Variants in PTPRM observed in about 807,000 individuals in gnomAD.
The protein encoded by PTPRM is protein tyrosine phosphatase receptor type M.
PTPRM carries 47 observed loss-of-function variants against 186.7 expected under a neutral mutation model. The ratio of observed to expected loss-of-function variants is 0.25; its 90% confidence interval spans 0.20 to 0.32. The LOEUF is 0.32. PTPRM is among the 10% of genes least tolerant of loss of function. PTPRM has a pLI of 1.00. For missense variants in PTPRM, 1,494 were observed against 1,865.0 expected, an observed-to-expected ratio of 0.80 and a Z score of 3.66; for synonymous variants, 668 against 674.9, an observed-to-expected ratio of 0.99 and a Z score of 0.16.
rs377050800 is a variant in PTPRM at position 8,069,710 on chromosome 18, T to C, written c.1157T>C (p.Leu386Pro). The C allele has an allele frequency of 9.3e-6, 15 of 1,613,208 alleles. No homozygotes were observed. The highest frequency in any genetic ancestry group is 2.2e-5 in the South Asian group (2 of 91,064). ...GATCCCATGCGAGGCCCAAGAAAAC[T>C]AGAAGTAGTGGAGGTCAAATCTCGG... ...CADPMRGPRK[L>P]EVVEVKSRQI... is the part of the protein sequence containing the mutation. The change falls in exon 8 of 33, where the codon CTA (leucine) becomes CCA (proline). Residue 386 changes from leucine to proline, a missense_variant. By Grantham distance (98) the Leu-to-Pro change is moderately conservative. Around this residue, in one of 3 missense-constraint regions of PTPRM, gnomAD observed 91 missense variants for 169.3 expected, o/e 0.54. Transcript: ENST00000580170.
In PTPRM at chr18:8,253,403, G is replaced by A. The variant is rs1048592418; in HGVS notation, c.2743G>A (p.Glu915Lys). The change falls in exon 19 of 33, where the codon GAG becomes AAG. Residue 915 changes from glutamate to lysine, a missense_variant. This residue lies in a region of PTPRM where 1,107 missense variants were observed against 1,350.2 expected (regional missense o/e 0.82). Coordinates refer to ENST00000580170, the MANE Select transcript of PTPRM (RefSeq NM_001105244.2). Reference sequence around the variant, plus strand: ...GTGTGCGGAGGGCTACGGCTTCAAGGAGGAATACGAGGTGAGCACAAGCTC... The same window carrying A: ...GTGTGCGGAGGGCTACGGCTTCAAGAAGGAATACGAGGTGAGCACAAGCTC... ...MKCAEGYGFK[E>K]EYESFFEGQS... 1 of 1,512,536 alleles carries A rather than the reference G, an allele frequency of 6.6e-7. No individual in the cohort carries two copies. The highest frequency in any genetic ancestry group is 8.9e-7 in the Non-Finnish European group (1 of 1,128,458). The allele number at this position is 1,512,536 out of a possible 1,614,324, so 93.7% of individuals were successfully genotyped here.
chr18:7,959,582 A>G (rs969074723), intron 7 of PTPRM, among the ~76,000 whole-genome samples: 4 of 152,302 alleles, frequency 2.6e-5, no homozygotes, highest in African/African-American at 9.6e-5. Context: ...ATTGTAACAC[A>G]CTTCCAAAAC....
At chr18:7,720,947 G>T (rs1219058284) in intron 1 of PTPRM, among the ~76,000 whole-genome samples, 1 of 152,040 alleles carries the variant, frequency 6.6e-6, no homozygotes, top group East Asian at 1.9e-4. Flanking sequence ...TGGGTATACA[G>T]ATTTCTCAGG....
intron 2 of PTPRM, among the ~76,000 whole-genome samples, chr18:7,822,407 G>A (rs1567871599): frequency 6.6e-6 from 1 of 152,236 alleles, no homozygotes; most frequent in Non-Finnish European, 1.5e-5. Flanking sequence ...TCATTCATTT[G>A]CATTTGACTT....
At chr18:7,700,520 G>A (rs2039937168) in intron 1 of PTPRM, among the ~76,000 whole-genome samples, 1 of 152,168 alleles carries the variant, frequency 6.6e-6, no homozygotes, top group Admixed American at 6.5e-5. Context: ...GCATGGATTT[G>A]GAATTGAATT....
intron 7 of PTPRM, among the ~76,000 whole-genome samples, chr18:7,980,266 C>G (rs1036083651): frequency 1.3e-5 from 2 of 152,138 alleles, no homozygotes; most frequent in South Asian, 2.1e-4. Context: ...CTTGGTGTTT[C>G]GGAGGTTTCT....
chr18:7,826,693 C>G (rs768019780), intron 2 of PTPRM, among the ~76,000 whole-genome samples: 2 of 152,136 alleles, frequency 1.3e-5, no homozygotes, highest in Non-Finnish European at 2.9e-5. Flanking sequence ...ATTTATCAAA[C>G]AAAATAAAAG....
At chr18:8,348,317 C>G (rs938154121) in intron 23 of PTPRM, among the ~76,000 whole-genome samples, 1 of 152,252 alleles carries the variant, frequency 6.6e-6, no homozygotes, top group Non-Finnish European at 1.5e-5. Flanking sequence ...GGTGTTGGAG[C>G]CGCCAGGAGA....
At chr18:8,051,804 A>G (rs2087520081) in intron 7 of PTPRM, among the ~76,000 whole-genome samples, 1 of 152,138 alleles carries the variant, frequency 6.6e-6, no homozygotes. Flanking sequence ...ATTTCTGCAC[A>G]TGTCTCCTGG....
intron 7 of PTPRM, among the ~76,000 whole-genome samples, chr18:8,057,425 CTT>C (rs763829289): frequency 0.024 from 2,493 of 102,464 alleles, 54 homozygotes; most frequent in African/African-American, 0.089. Flanking sequence ...TGTGATACTT[CTT>C]TTTTTTTTTT....
chr18:7,840,852 T>A (rs558081279), intron 2 of PTPRM, among the ~76,000 whole-genome samples: 1 of 152,230 alleles, frequency 6.6e-6, no homozygotes, highest in Non-Finnish European at 1.5e-5. Flanking sequence ...CTTTGGTCAA[T>A]GTGTTTGTTA....
intron 2 of PTPRM, among the ~76,000 whole-genome samples, chr18:7,837,788 T>G (rs1385251897): frequency 1.3e-5 from 2 of 152,180 alleles, no homozygotes; most frequent in Admixed American, 6.6e-5. Flanking sequence ...ATTTCAGAAT[T>G]GGTCCCTGGT....
At chr18:7,826,052 G>A (rs1268489622) in intron 2 of PTPRM, among the ~76,000 whole-genome samples, 1 of 152,090 alleles carries the variant, frequency 6.6e-6, no homozygotes, top group Non-Finnish European at 1.5e-5. Context: ...TCATTGGATG[G>A]CATCCCCGTC....
chr18:7,738,601 A>ATT (rs35691659), intron 1 of PTPRM, among the ~76,000 whole-genome samples: 55,781 of 141,480 alleles, frequency 0.39, 12,137 homozygotes, highest in East Asian at 0.83. Flanking sequence ...ACACCCGGCT[A>ATT]TTTTTTTTTT....
intron 1 of PTPRM, among the ~76,000 whole-genome samples, chr18:7,651,605 A>G (rs1212008170): frequency 6.6e-6 from 1 of 152,028 alleles, no homozygotes; most frequent in Non-Finnish European, 1.5e-5. Context: ...CCGCATATCT[A>G]CAACTATCTG....
intron 2 of PTPRM, among the ~76,000 whole-genome samples, chr18:7,859,676 T>C (rs1292885317): frequency 6.6e-6 from 1 of 152,160 alleles, no homozygotes; most frequent in Non-Finnish European, 1.5e-5. Flanking sequence ...AGGGAACCAG[T>C]CAGAAATGGG....
chr18:7,616,256 G>A (rs1392505684), intron 1 of PTPRM, among the ~76,000 whole-genome samples: 1 of 152,144 alleles, frequency 6.6e-6, no homozygotes, highest in East Asian at 1.9e-4. Flanking sequence ...TCTTGGTCAA[G>A]GCTGTGATCT....
At chr18:8,232,916 G>A (rs985002049) in intron 14 of PTPRM, among the ~76,000 whole-genome samples, 1 of 152,182 alleles carries the variant, frequency 6.6e-6, no homozygotes, top group Admixed American at 6.5e-5. Context: ...CAAGGAGGGG[G>A]GTGGTGGTTG....
chr18:8,082,310 G>C (rs2090168992), intron 9 of PTPRM, among the ~76,000 whole-genome samples: 1 of 152,112 alleles, frequency 6.6e-6, no homozygotes, highest in African/African-American at 2.4e-5. Context: ...AAGATTCATT[G>C]CCCAGTGAAT....
Sources: allele counts gnomAD v4.1 joint callset (sites outside exome capture counted in the v4.1 genomes callset), GRCh38; gene constraint gnomAD v4.1.1; regional missense constraint gnomAD v4.1.1; transcripts MANE v1.5; gene names NCBI Gene and HGNC (gene_info 2026-07-23, HGNC 2026-07-21).